DUSP8: variants seen among roughly 807,000 people sequenced by gnomAD.
DUSP8 encodes the protein dual specificity protein phosphatase 8.
A neutral mutation model predicts 38.7 loss-of-function variants in DUSP8; 15 were observed. That is an observed-to-expected ratio of 0.39 (90% CI 0.26 to 0.60). DUSP8 has a LOEUF of 0.60. Among genes scored for constraint, DUSP8 ranks in the 20% least tolerant of loss-of-function variants. The probability of loss-of-function intolerance (pLI) is 0.56; values close to 1 mark genes in which losing one functional copy is unlikely to be tolerated. For synonymous variants in DUSP8, 458 were observed against 433.9 expected (o/e 1.06, Z -0.69); for missense variants, 768 against 915.0 (o/e 0.84, Z 2.07).
At chr11:1,571,553 C>T (rs931702557) in intron 1 of DUSP8, 2 of 152,186 alleles carry the variant, frequency 1.3e-5, no homozygotes, top group African/African-American at 4.8e-5. Context: ...GTCGGGGGCT[C>T]GCGCAGATCC....
In DUSP8 at chr11:1,557,317, G is replaced by A. The variant is rs1419329707; in HGVS notation, c.1079C>T (p.Ala360Val). 3.2e-5 allele frequency: 47 copies of A among 1,490,450 alleles called. No individual in the cohort carries two copies. Among genetic ancestry groups the A allele is most frequent in the Admixed American group, 4.9e-5 (2 of 40,488 alleles). The allele number at this position is 1,490,450 out of a possible 1,614,324, so 92.3% of individuals were successfully genotyped here. Residue 360 changes from alanine to valine, a missense_variant, in exon 7 of 7, where the codon GCG becomes GTG. Coordinates refer to ENST00000397374, the MANE Select transcript of DUSP8 (RefSeq NM_004420.3). This position sits in a 1 kb window ranked among gnomAD's most constrained non-coding sequence, Gnocchi z 9.9. Reference protein sequence around the residue: ...GGLSAGGEPPAPPTPPATSAL... With the variant: ...GGLSAGGEPPVPPTPPATSAL... ...GCTGGTCGCCGGGGGCGTGGGGGGC[G>A]CGGGGGGCTCCCCGCCCGCGCTCAG... is the stretch of plus-strand genomic sequence containing the variant.
rs1468601656 is a variant in DUSP8 at position 1,555,397 on chromosome 11, G to A, written c.*1121C>T. ...CAGCACAGGGGCTTGGCTGGCGCCT[G>A]AACTCCCTGTGTGAGCAGCACCTGC... On this transcript the variant is annotated 3_prime_UTR_variant, in exon 7 of 7. Coordinates refer to ENST00000397374, the MANE Select transcript of DUSP8 (RefSeq NM_004420.3). 2.0e-6 allele frequency: 2 copies of A among 986,958 alleles called. No homozygotes were observed. Among genetic ancestry groups the A allele is most frequent in the Non-Finnish European group, 2.4e-6 (2 of 830,052 alleles). The allele number at this position is 986,958 out of a possible 1,614,324, so 61.1% of individuals were successfully genotyped here.
Position 1,556,395 on chromosome 11 carries a change from A to C in DUSP8, c.*123T>G. ...GAATGAACAGCTTAAATAAATAAAA[A>C]ATCGAAATATTTACTTCTCGATAAA... On this transcript the variant is annotated 3_prime_UTR_variant, in exon 7 of 7. Transcript: ENST00000397374. The surrounding 1 kb of genome is among the most constrained non-coding windows in gnomAD (Gnocchi z 5.2). 5.0e-6 allele frequency: 6 copies of C among 1,198,270 alleles called. No homozygotes were observed. The highest frequency in any genetic ancestry group is 6.3e-6 in the Non-Finnish European group (6 of 958,322). The allele number at this position is 1,198,270 out of a possible 1,614,324, so 74.2% of individuals were successfully genotyped here.
chr11:1,561,819 C>A (rs938643353), intron 3 of DUSP8, among the ~76,000 whole-genome samples: 9 of 152,004 alleles, frequency 5.9e-5, no homozygotes, highest in Admixed American at 2.0e-4. Context: ...CTGCCCCCCC[C>A]AATATATTCT....
rs184003520 is a variant in DUSP8 at position 1,558,860 on chromosome 11, C to T, written c.537+29G>A. 15 of 1,574,278 alleles carry T rather than the reference C, an allele frequency of 9.5e-6. No individual in the cohort carries two copies. The East Asian group carries it at 3.0e-4, about 31-fold the overall frequency. Reference sequence around the variant, plus strand: ...GGAGCTCCTGCCCCTTTCCCATTGACCACCCCCCGAACTCCACTGCACACA... The same window carrying T: ...GGAGCTCCTGCCCCTTTCCCATTGATCACCCCCCGAACTCCACTGCACACA... On this transcript the variant is annotated intron_variant, in intron 4 of 6. Coordinates refer to ENST00000397374, the MANE Select transcript of DUSP8 (RefSeq NM_004420.3). This position sits in a 1 kb window ranked among gnomAD's most constrained non-coding sequence, Gnocchi z 6.3.
chr11:1,571,460 C>T (rs1339610042), intron 1 of DUSP8: 1 of 152,386 alleles, frequency 6.6e-6, no homozygotes, highest in Non-Finnish European at 1.5e-5. Flanking sequence ...CTCCCACGGC[C>T]GAGGCTCCAC....
intron 3 of DUSP8, among the ~76,000 whole-genome samples, chr11:1,562,489 C>T (rs1220582183): frequency 1.3e-5 from 2 of 152,212 alleles, no homozygotes; most frequent in African/African-American, 4.8e-5. Context: ...TCTGTGGCTT[C>T]TGGTTCTGAG....
intron 3 of DUSP8, 72 bp from the exon 4 acceptor site, chr11:1,559,127 C>G: frequency 2.1e-6 from 3 of 1,451,462 alleles, no homozygotes; most frequent in Non-Finnish European, 2.8e-6. Flanking sequence ...GTGCCCTGTC[C>G]GCCTAGGGCA....
chr11:1,558,152 T>A lies in DUSP8; in HGVS notation c.657A>T (p.Glu219Asp), dbSNP rs775764872. ...MRVPINDNYC[E>D]KLLPWLDKSI... ...ACTTGTCCAGCCAGGGCAGCAGTTT[T>A]TCACAGTAGTTGTCGTTGATGGGGA... Residue 219 changes from glutamate to aspartate, a missense_variant, in exon 5 of 7, where the codon GAA becomes GAT. By Grantham distance (45) the Glu-to-Asp change is conservative. This residue lies in a region of DUSP8 where 252 missense variants were observed against 410.4 expected (regional missense o/e 0.61). Transcript: ENST00000397374. This position sits in a 1 kb window ranked among gnomAD's most constrained non-coding sequence, Gnocchi z 6.3. The A allele has an allele frequency of 6.2e-7, 1 of 1,611,980 alleles. No homozygotes were observed. The highest frequency in any genetic ancestry group is 8.5e-7 in the Non-Finnish European group (1 of 1,179,848).
Position 1,557,483 on chromosome 11 carries a change from C to T in DUSP8, c.913G>A (p.Ala305Thr), listed in dbSNP as rs1236082470. The T allele has an allele frequency of 1.8e-5, 29 of 1,571,988 alleles. No individual in the cohort carries two copies. The highest frequency in any genetic ancestry group is 2.3e-5 in the South Asian group (2 of 87,164). ...GGGGTGCCCGGGTCGCCCTGCAGGGCGGCCAGCAGCTTCAGGCTGCGCTCG... is the reference window on the plus strand; with the variant it reads ...GGGGTGCCCGGGTCGCCCTGCAGGGTGGCCAGCAGCTTCAGGCTGCGCTCG... ...EYERSLKLLAALQGDPGTPSG... is the reference protein window; with the variant it reads ...EYERSLKLLATLQGDPGTPSG... The change falls in exon 7 of 7, where the codon GCC (alanine) becomes ACC (threonine). Residue 305 changes from alanine to threonine, a missense_variant. This residue lies in a region of DUSP8 where 474 missense variants were observed against 430.8 expected (regional missense o/e 1.10). Transcript: ENST00000397374. This position sits in a 1 kb window ranked among gnomAD's most constrained non-coding sequence, Gnocchi z 9.9.
chr11:1,558,799 C>T lies in DUSP8; in HGVS notation c.537+90G>A. ...TCATCCACTGCCTTCAGCTCCTTTCCTCCCTCATCCCCCGCTCCGCTGCCA... is the reference window on the plus strand; with the variant it reads ...TCATCCACTGCCTTCAGCTCCTTTCTTCCCTCATCCCCCGCTCCGCTGCCA... On this transcript the variant is annotated intron_variant, in intron 4 of 6. Coordinates refer to ENST00000397374, the MANE Select transcript of DUSP8 (RefSeq NM_004420.3). This position sits in a 1 kb window ranked among gnomAD's most constrained non-coding sequence, Gnocchi z 6.3. 6.8e-7 allele frequency: 1 copy of T among 1,461,484 alleles called. No homozygotes were observed. Among genetic ancestry groups the T allele is most frequent in the Non-Finnish European group, 9.2e-7 (1 of 1,081,664 alleles). 90.5% of individuals were successfully genotyped at this position (1,461,484 alleles called of 1,614,324 possible).
rs1308498559 is a variant in DUSP8, at chr11:1,557,237, T to C, written c.1159A>G (p.Thr387Ala). ...GAGAAGGAGCGCTTGAGGCGGTTAG[T>C]GTCCTGCAGGCGGTCCGAGGAGAGG... ...LHLSSDRLQDTNRLKRSFSLD... is the reference protein window; with the variant it reads ...LHLSSDRLQDANRLKRSFSLD... Residue 387 changes from threonine (T) to alanine (A), a missense_variant, in exon 7 of 7, where the codon ACT (threonine) becomes GCT (alanine). Thr to Ala is a moderately conservative substitution (Grantham distance 58). This residue lies in a region of DUSP8 where 474 missense variants were observed against 430.8 expected (regional missense o/e 1.10). Coordinates refer to ENST00000397374, the MANE Select transcript of DUSP8 (RefSeq NM_004420.3). The surrounding 1 kb of genome is among the most constrained non-coding windows in gnomAD (Gnocchi z 9.9). 2 of 1,494,506 alleles carry C rather than the reference T, an allele frequency of 1.3e-6. No individual in the cohort carries two copies. The highest frequency in any genetic ancestry group is 1.3e-5 in the South Asian group (1 of 79,842). The allele number at this position is 1,494,506 out of a possible 1,614,324, so 92.6% of individuals were successfully genotyped here.
chr11:1,555,221 T>C lies in DUSP8; in HGVS notation c.*1297A>G. The C allele has an allele frequency of 1.0e-6, 1 of 987,632 alleles. No homozygotes were observed. Among genetic ancestry groups the C allele is most frequent in the Non-Finnish European group, 1.2e-6 (1 of 830,078 alleles). 61.2% of individuals were successfully genotyped at this position (987,632 alleles called of 1,614,324 possible). A position where few individuals can be genotyped will look rare whatever the true frequency, so the allele number is the denominator to read the frequency against. On this transcript the variant is annotated 3_prime_UTR_variant, in exon 7 of 7. Coordinates refer to ENST00000397374, the MANE Select transcript of DUSP8 (RefSeq NM_004420.3). ...CCTGGGCCCAAAAGCCACTTGTGTT[T>C]GGGGGCTGGCATGCCACCTAGAGAG...
chr11:1,562,580 T>A (rs1183005001), intron 3 of DUSP8, among the ~76,000 whole-genome samples: 1 of 152,126 alleles, frequency 6.6e-6, no homozygotes, highest in Non-Finnish European at 1.5e-5. Flanking sequence ...CCTCCATGTA[T>A]ATACATGCAT....
intron 1 of DUSP8, among the ~76,000 whole-genome samples, chr11:1,568,119 C>T (rs936248868): frequency 6.6e-6 from 1 of 152,132 alleles, no homozygotes. Flanking sequence ...GGAGCTGCCC[C>T]GGCCTCAATG....
At chr11:1,569,002 A>G (rs1048811329) in intron 1 of DUSP8, among the ~76,000 whole-genome samples, 2 of 152,112 alleles carry the variant, frequency 1.3e-5, no homozygotes, top group Non-Finnish European at 2.9e-5. Context: ...CAGAGACACT[A>G]AGGACAGTCT....
In DUSP8 at chr11:1,558,025, C is replaced by T; in HGVS notation, c.697+87G>A. The T allele has an allele frequency of 6.2e-7, 1 of 1,610,708 alleles. No homozygotes were observed. The highest frequency in any genetic ancestry group is 1.1e-5 in the South Asian group (1 of 91,002). Reference sequence around the variant, plus strand: ...CAACTGCCAACAGTTCCGGCTACTTCCTGGGGACCCCTCCTGTGTCTGTGG... The same window carrying T: ...CAACTGCCAACAGTTCCGGCTACTTTCTGGGGACCCCTCCTGTGTCTGTGG... On this transcript the variant is annotated intron_variant, in intron 5 of 6. Transcript: ENST00000397374. This position sits in a 1 kb window ranked among gnomAD's most constrained non-coding sequence, Gnocchi z 6.3.
At position 1,555,160 on chromosome 11, in the gene DUSP8, C is replaced by T. The variant is rs961566094; in HGVS notation, c.*1358G>A. The stretch of plus-strand genomic sequence containing the variant: ...CTGAAGGGCAGGGGTCCCAATGGCC[C>T]GAGGGGGTATGGGGCAGGGGCAGCA... On this transcript the variant is annotated 3_prime_UTR_variant, in exon 7 of 7. Coordinates refer to ENST00000397374, the MANE Select transcript of DUSP8 (RefSeq NM_004420.3). 2.0e-4 allele frequency: 200 copies of T among 987,902 alleles called. No homozygotes were observed. Among genetic ancestry groups the T allele is most frequent in the Non-Finnish European group, 2.3e-4 (188 of 830,222 alleles). The allele number at this position is 987,902 out of a possible 1,614,324, so 61.2% of individuals were successfully genotyped here. A position where few individuals can be genotyped will look rare whatever the true frequency, so the allele number is the denominator to read the frequency against.
chr11:1,556,533 G>T lies in DUSP8; in HGVS notation c.1863C>A (p.Val621=). ...AGCGGAGGGGTCAGGACACCTCGAT[G>T]ACCTCCACGCTGCCCGAGAAGCTCG... The part of the protein sequence containing the change: ...KQASFSGSVE[V]IEVS The change falls in exon 7 of 7, where the codon GTC becomes GTA. Residue 621 remains valine, a synonymous_variant. Transcript: ENST00000397374. This position sits in a 1 kb window ranked among gnomAD's most constrained non-coding sequence, Gnocchi z 5.2. 1 of 1,334,550 alleles carries T rather than the reference G, an allele frequency of 7.5e-7. No homozygotes were observed. Among genetic ancestry groups the T allele is most frequent in the Non-Finnish European group, 9.6e-7 (1 of 1,039,506 alleles). 82.7% of individuals were successfully genotyped at this position (1,334,550 alleles called of 1,614,324 possible).
Sources: gnomAD v4.1 joint callset for allele counts (sites outside exome capture counted in the v4.1 genomes callset) on GRCh38, gnomAD v4.1.1 for gene constraint, gnomAD v4.1.1 regional missense constraint, Gnocchi (gnomAD v3.1) non-coding constraint, MANE v1.5 for transcripts, NCBI Gene and HGNC (gene_info 2026-07-23, HGNC 2026-07-21) for gene names.